Variants in RYR3 observed in about 807,000 individuals in gnomAD.
RYR3 encodes the protein brain ryanodine receptor-calcium release channel.
A neutral mutation model predicts 584.3 loss-of-function variants in RYR3; 207 were observed. The ratio of observed to expected loss-of-function variants is 0.35; its 90% CI spans 0.32 to 0.40. The LOEUF is 0.40. RYR3 is among the 10% of genes least tolerant of loss of function. The pLI, the probability that RYR3 is intolerant of heterozygous loss-of-function variation, is 1.00. For synonymous variants in RYR3, 2,416 were observed against 2,248.5 expected (o/e 1.07, Z -2.11); for missense variants, 5,616 against 6,089.2 (o/e 0.92, Z 2.59).
chr15:33,493,164 C>CCG (rs1555499543), intron 2 of RYR3, among the ~76,000 whole-genome samples: 1 of 151,530 alleles, frequency 6.6e-6, no homozygotes, highest in East Asian at 2.0e-4. Flanking sequence ...CCCCATCTCT[C>CCG]TGTTTCTGCC....
chr15:33,819,944 T>G (rs2077025289), intron 77 of RYR3, 137 bp downstream of exon 77: 1 of 577,136 alleles, frequency 1.7e-6, no homozygotes, highest in African/African-American at 1.9e-5. Flanking sequence ...GCACAATTCA[T>G]GTGCCATAGA....
At chr15:33,645,939 A>G (rs1288475215) in intron 28 of RYR3, among the ~76,000 whole-genome samples, 1 of 152,104 alleles carries the variant, frequency 6.6e-6, no homozygotes, top group East Asian at 1.9e-4. Flanking sequence ...CTTTGGGATT[A>G]CTTTTTCCCC....
At chr15:33,640,586 G>A (rs1566847945) in intron 27 of RYR3, among the ~76,000 whole-genome samples, 1 of 152,120 alleles carries the variant, frequency 6.6e-6, no homozygotes, top group Non-Finnish European at 1.5e-5. Context: ...TGAGAGAGCT[G>A]ACTTCTTTGC....
chr15:33,429,382 T>C (rs2044924396), intron 1 of RYR3, among the ~76,000 whole-genome samples: 1 of 152,240 alleles, frequency 6.6e-6, no homozygotes, highest in African/African-American at 2.4e-5. Flanking sequence ...TCTTCTAGAC[T>C]ACCTTCCTTG....
At chr15:33,685,114 A>G (rs1304502248) in intron 38 of RYR3, among the ~76,000 whole-genome samples, 2 of 152,252 alleles carry the variant, frequency 1.3e-5, no homozygotes, top group Non-Finnish European at 2.9e-5. Flanking sequence ...TTAAATGTAA[A>G]TGGGCTAAAT....
chr15:33,390,972 A>G lies in RYR3; in HGVS notation c.51+79876A>G, dbSNP rs1285970011. 6.6e-6 allele frequency among the ~76,000 whole-genome samples: 1 copy of G among 152,180 alleles called. No homozygotes were observed. The highest frequency in any genetic ancestry group is 2.4e-5 in the African/African-American group (1 of 41,436). On this transcript the variant is annotated intron_variant, in intron 1 of 103. Transcript: ENST00000634891. The surrounding 1 kb of genome is among the most constrained non-coding windows in gnomAD (Gnocchi z 4.2). ...TCTCTGCCTGTGTCTTTCCCTTATG[A>G]TCCAGCTGTGTATTCTTACTATGTG...
chr15:33,465,667 A>G, intron 1 of RYR3: 1 of 515,256 alleles, frequency 1.9e-6, no homozygotes, highest in South Asian at 1.4e-5. Context: ...GACTCTGGCT[A>G]CTGTGTGGAG....
At chr15:33,519,944 G>A (rs1325001371) in intron 3 of RYR3, among the ~76,000 whole-genome samples, 1 of 152,166 alleles carries the variant, frequency 6.6e-6, no homozygotes, top group Non-Finnish European at 1.5e-5. Context: ...TGCTCATTAT[G>A]TGGATATAGA....
intron 1 of RYR3, among the ~76,000 whole-genome samples, chr15:33,430,154 C>A (rs766659961): frequency 1.3e-5 from 2 of 152,248 alleles, no homozygotes; most frequent in African/African-American, 2.4e-5. Flanking sequence ...GGTCCACTCA[C>A]CCAGTGCAGC....
At chr15:33,336,738 T>C (rs1318587085) in intron 1 of RYR3, among the ~76,000 whole-genome samples, 1 of 151,660 alleles carries the variant, frequency 6.6e-6, no homozygotes, top group African/African-American at 2.4e-5. Context: ...GTGACGTTTG[T>C]ATTGCAATAC....
At chr15:33,483,159 TCTC>T (rs1171874127) in intron 2 of RYR3, among the ~76,000 whole-genome samples, 6 of 152,198 alleles carry the variant, frequency 3.9e-5, no homozygotes, top group African/African-American at 1.2e-4. Context: ...GATTCTTCTT[TCTC>T]CTCCATTATT....
intron 32 of RYR3, among the ~76,000 whole-genome samples, chr15:33,654,004 A>G (rs543391047): frequency 2.2e-4 from 34 of 152,332 alleles, no homozygotes; most frequent in Non-Finnish European, 4.0e-4. Flanking sequence ...ATAATGTTCT[A>G]TGAACCTAGA....
chr15:33,652,761 G>A lies in RYR3; in HGVS notation c.4186G>A (p.Val1396Ile). 3 of 1,613,810 alleles carry A rather than the reference G, an allele frequency of 1.9e-6. No homozygotes were observed. Among genetic ancestry groups the A allele is most frequent in the South Asian group, 1.1e-5 (1 of 91,022 alleles). The change falls in exon 32 of 104, where the codon GTA (valine) becomes ATA (isoleucine). Residue 1396 changes from valine (V) to isoleucine (I), a missense_variant. Transcript: ENST00000634891. ...CTACATGGTCTGGGGTGGAGACATT[G>A]TAGCCAGTTCCCAGAGATCAAATCG... is the stretch of plus-strand genomic sequence containing the variant. ...NCYMVWGGDI[V>I]ASSQRSNRSN...
intron 2 of RYR3, among the ~76,000 whole-genome samples, chr15:33,497,000 G>A (rs771332527): frequency 6.6e-6 from 1 of 152,166 alleles, no homozygotes; most frequent in Middle Eastern, 3.2e-3. Flanking sequence ...GTACAGGAAC[G>A]AATGTACATT....
chr15:33,681,000 A>G (rs1372512607), intron 38 of RYR3, among the ~76,000 whole-genome samples: 1 of 152,248 alleles, frequency 6.6e-6, no homozygotes, highest in Non-Finnish European at 1.5e-5. Flanking sequence ...GGTGCACAGC[A>G]GTTCTGCAGT....
At chr15:33,354,560 T>C (rs1246783515) in intron 1 of RYR3, among the ~76,000 whole-genome samples, 1 of 152,242 alleles carries the variant, frequency 6.6e-6, no homozygotes, top group Non-Finnish European at 1.5e-5. Context: ...TCTTGACTTG[T>C]TATTATTCAA....
intron 1 of RYR3, among the ~76,000 whole-genome samples, chr15:33,385,710 C>CTTTTTTTTTTTTTTTCTTTTCT (rs10682215): frequency 7.6e-6 from 1 of 131,402 alleles, no homozygotes. Flanking sequence ...TTTTTCTTTT[C>CTTTTTTTTTTTTTTTCTTTTCT]TTTTTTTTTT....
chr15:33,356,094 C>T lies in RYR3; in HGVS notation c.51+44998C>T, dbSNP rs907651911. Reference sequence around the variant, plus strand: ...GAACTGTGAGTATAGATTTGTGAATCATGCATACGATGAGGTTCCATGAAT... The same window carrying T: ...GAACTGTGAGTATAGATTTGTGAATTATGCATACGATGAGGTTCCATGAAT... On this transcript the variant is annotated intron_variant, in intron 1 of 103. Coordinates refer to ENST00000634891, the MANE Select transcript of RYR3 (RefSeq NM_001036.6). Among the ~76,000 whole-genome samples, 5 of 152,178 alleles carry T rather than the reference C, an allele frequency of 3.3e-5. No individual in the cohort carries two copies. In the South Asian group the frequency reaches 1.0e-3, roughly 32 times the overall value.
intron 74 of RYR3, 54 bp downstream of exon 74, chr15:33,813,633 A>G (rs1278451011): frequency 3.7e-6 from 5 of 1,338,124 alleles, no homozygotes; most frequent in Admixed American, 1.7e-5. Context: ...GAATGGAGGT[A>G]TCCTCCCACA....
Sources: allele counts gnomAD v4.1 joint callset (sites outside exome capture counted in the v4.1 genomes callset), GRCh38; gene constraint gnomAD v4.1.1; non-coding constraint Gnocchi (gnomAD v3.1); transcripts MANE v1.5; gene names NCBI Gene and HGNC (gene_info 2026-07-23, HGNC 2026-07-21).